CD2AP: variants seen among roughly 807,000 people sequenced by gnomAD.
CD2AP encodes CD2-associated protein.
CD2AP carries 46 observed loss-of-function variants against 85.1 expected under a neutral mutation model. That is an observed-to-expected ratio of 0.54 (90% CI 0.43 to 0.69). The LOEUF (loss-of-function observed/expected upper bound fraction) is 0.69, where lower values mean the gene tolerates loss of function less well. Among genes scored for constraint, CD2AP ranks in the 30% least tolerant of loss-of-function variants. CD2AP has a pLI of 0.00. For missense variants in CD2AP, 769 were observed against 729.5 expected, an observed-to-expected ratio of 1.05 and a Z score of -0.62; for synonymous variants, 255 against 252.9, an observed-to-expected ratio of 1.01 and a Z score of -0.08.
chr6:47,527,023 A>G (rs9296564), intron 2 of CD2AP, among the ~76,000 whole-genome samples: 40,615 of 152,002 alleles, frequency 0.27, 5,589 homozygotes, highest in African/African-American at 0.32. Context: ...AAACAGGGAA[A>G]TATTTGTGTA....
intron 12 of CD2AP, 43 bp downstream of exon 12, chr6:47,596,069 C>G: frequency 7.1e-7 from 1 of 1,417,258 alleles, no homozygotes. Flanking sequence ...GATTTACTCA[C>G]CTTTGACCTT....
At chr6:47,484,088 G>T (rs1386234284) in intron 1 of CD2AP, among the ~76,000 whole-genome samples, 1 of 151,902 alleles carries the variant, frequency 6.6e-6, no homozygotes, top group African/African-American at 2.4e-5. Flanking sequence ...TTGGTAATGT[G>T]TACCTGTCTT....
intron 2 of CD2AP, among the ~76,000 whole-genome samples, chr6:47,514,634 T>C (rs1172563681): frequency 1.3e-5 from 2 of 152,234 alleles, no homozygotes; most frequent in South Asian, 2.1e-4. Flanking sequence ...ATTTATTTTA[T>C]TGGGGGAAAT....
At chr6:47,594,151 G>T (rs1768873810) in intron 11 of CD2AP, among the ~76,000 whole-genome samples, 1 of 151,986 alleles carries the variant, frequency 6.6e-6, no homozygotes, top group Admixed American at 6.6e-5. Flanking sequence ...TGAGGAAAGG[G>T]TTATCTTCTG....
intron 1 of CD2AP, among the ~76,000 whole-genome samples, chr6:47,496,620 A>G (rs1044682325): frequency 3.9e-5 from 6 of 152,214 alleles, no homozygotes; most frequent in Non-Finnish European, 5.9e-5. Context: ...AATCTTGTCA[A>G]AGTAATTCCT....
At chr6:47,576,774 T>C (rs1044864690) in intron 7 of CD2AP, among the ~76,000 whole-genome samples, 172 bp downstream of exon 7, 2 of 152,306 alleles carry the variant, frequency 1.3e-5, no homozygotes, top group Middle Eastern at 3.4e-3. Context: ...GATGGATGTA[T>C]CTCCTTGTAG....
At chr6:47,588,388 A>C (rs549323422) in intron 11 of CD2AP, among the ~76,000 whole-genome samples, 1 of 152,290 alleles carries the variant, frequency 6.6e-6, no homozygotes, top group African/African-American at 2.4e-5. Context: ...GGTATATAAT[A>C]CATAGGGAAT....
chr6:47,478,443 G>A (rs1038097174), intron 1 of CD2AP, among the ~76,000 whole-genome samples, 195 bp downstream of exon 1: 1 of 152,064 alleles, frequency 6.6e-6, no homozygotes, highest in African/African-American at 2.4e-5. Context: ...TGGTGGGAGA[G>A]CTCGCGGGTG....
rs575892824 is a variant in CD2AP, at chr6:47,522,003, G to A, written c.166-11599G>A. On this transcript the variant is annotated intron_variant, in intron 2 of 17. Coordinates refer to ENST00000359314, the MANE Select transcript of CD2AP (RefSeq NM_012120.3). ...GCACTCTAGCCTGGGCAACAAGAGC[G>A]AAACTCTGCCTCAAAAAAAAAAAGA... 3.4e-5 allele frequency among the ~76,000 whole-genome samples: 5 copies of A among 147,314 alleles called. No homozygotes were observed. The East Asian group carries it at 7.9e-4, about 23-fold the overall frequency.
At chr6:47,522,293 G>A (rs187869825) in intron 2 of CD2AP, among the ~76,000 whole-genome samples, 21 of 152,244 alleles carry the variant, frequency 1.4e-4, no homozygotes, top group Non-Finnish European at 3.1e-4. Context: ...ATTTTTATTC[G>A]CTGTACTTAA....
chr6:47,599,549 G>A, intron 13 of CD2AP, 106 bp downstream of exon 13: 2 of 1,003,656 alleles, frequency 2.0e-6, no homozygotes, highest in South Asian at 1.5e-5. Context: ...GTTGGATAAA[G>A]TTGAAATTAC....
intron 5 of CD2AP, among the ~76,000 whole-genome samples, chr6:47,563,945 T>C (rs991999269): frequency 6.6e-6 from 1 of 152,208 alleles, no homozygotes; most frequent in Non-Finnish European, 1.5e-5. Context: ...TTAGTTTCAA[T>C]TGTTTTAATA....
chr6:47,612,863 T>TATTAGTGGAATTA (rs1456267117), intron 17 of CD2AP, among the ~76,000 whole-genome samples: 2 of 152,172 alleles, frequency 1.3e-5, no homozygotes, highest in Non-Finnish European at 2.9e-5. Context: ...GTGGGACGGA[T>TATTAGTGGAATTA]ATTAGTGGAA....
chr6:47,599,898 C>A (rs1318252220), intron 13 of CD2AP, among the ~76,000 whole-genome samples: 2 of 151,718 alleles, frequency 1.3e-5, no homozygotes, highest in South Asian at 2.1e-4. Context: ...CTTTTTCTAA[C>A]CCTTTTGCTA....
chr6:47,624,297 T>C lies in CD2AP; in HGVS notation c.*70T>C. 8.1e-7 allele frequency: 1 copy of C among 1,228,990 alleles called. No individual in the cohort carries two copies. Among genetic ancestry groups the C allele is most frequent in the South Asian group, 1.2e-5 (1 of 82,020 alleles). The allele number at this position is 1,228,990 out of a possible 1,614,324, so 76.1% of individuals were successfully genotyped here. ...AACGCTATGAACTTCAGCTGACTTG[T>C]TACTTAAAAATTGTGAATTCTGTTG... is the stretch of plus-strand genomic sequence containing the variant. On this transcript the variant is annotated 3_prime_UTR_variant, in exon 18 of 18. Coordinates refer to ENST00000359314, the MANE Select transcript of CD2AP (RefSeq NM_012120.3).
intron 4 of CD2AP, among the ~76,000 whole-genome samples, chr6:47,551,721 G>A (rs1413882243): frequency 1.3e-5 from 2 of 152,066 alleles, no homozygotes; most frequent in African/African-American, 4.8e-5. Flanking sequence ...GCTTGTGTGG[G>A]GCCCTTAGCT....
intron 2 of CD2AP, among the ~76,000 whole-genome samples, chr6:47,505,908 C>CT (rs1248959732): frequency 2.6e-5 from 3 of 115,518 alleles, no homozygotes; most frequent in East Asian, 2.8e-4. Flanking sequence ...GCTGACCCCC[C>CT]CCACCTCCCT....
chr6:47,520,730 GTTTTTTTTTT>G (rs35163088), intron 2 of CD2AP, among the ~76,000 whole-genome samples: 6 of 86,362 alleles, frequency 6.9e-5, no homozygotes, highest in Admixed American at 1.3e-4. Context: ...TGGTGCTACA[GTTTTTTTTTT>G]TTTTTTTTTT....
At chr6:47,622,150 C>T (rs1183449652) in intron 17 of CD2AP, among the ~76,000 whole-genome samples, 2 of 152,166 alleles carry the variant, frequency 1.3e-5, no homozygotes, top group Admixed American at 6.5e-5. Context: ...ACAGGCCTCA[C>T]CCAGCTCCCA....
Sources: allele counts gnomAD v4.1 joint callset (sites outside exome capture counted in the v4.1 genomes callset), GRCh38; gene constraint gnomAD v4.1.1; transcripts MANE v1.5; gene names NCBI Gene and HGNC (gene_info 2026-07-23, HGNC 2026-07-21).